Variants in NRXN3 observed in about 807,000 individuals in gnomAD.
NRXN3 encodes the protein neurexin III.
A neutral mutation model predicts 137.6 loss-of-function variants in NRXN3; 32 were observed. The ratio of observed to expected loss-of-function variants is 0.23; its 90% confidence interval spans 0.18 to 0.31. The LOEUF is 0.31. NRXN3 is among the 10% of genes least tolerant of loss of function. NRXN3 has a pLI of 1.00. For missense variants in NRXN3, 1,574 were observed against 2,062.5 expected, an observed-to-expected ratio of 0.76 and a Z score of 4.59; for synonymous variants, 798 against 784.5, an observed-to-expected ratio of 1.02 and a Z score of -0.29.
intron 15 of NRXN3, among the ~76,000 whole-genome samples, chr14:79,020,742 G>A (rs1354422665): frequency 1.3e-5 from 2 of 152,004 alleles, no homozygotes; most frequent in Non-Finnish European, 1.5e-5. Flanking sequence ...AGTAAGTCAT[G>A]TACTCCATTT....
At chr14:79,527,487 C>T (rs17109362) in intron 16 of NRXN3, among the ~76,000 whole-genome samples, 10,122 of 151,776 alleles carry the variant, frequency 0.067, 759 homozygotes, top group African/African-American at 0.18. Context: ...AAAAATATTA[C>T]GCTGTTATGA....
At chr14:78,457,258 C>T (rs781156033) in intron 4 of NRXN3, among the ~76,000 whole-genome samples, 10 of 152,090 alleles carry the variant, frequency 6.6e-5, no homozygotes, top group Non-Finnish European at 1.3e-4. Flanking sequence ...AGGCTGGTCT[C>T]GAACTCCTGG....
chr14:79,599,484 C>T (rs187066574), intron 16 of NRXN3, among the ~76,000 whole-genome samples: 77 of 151,840 alleles, frequency 5.1e-4, no homozygotes, highest in Admixed American at 3.6e-3. Flanking sequence ...AAATGTTACA[C>T]CCCAACCTAA....
At chr14:78,361,726 G>A (rs1323704120) in intron 4 of NRXN3, among the ~76,000 whole-genome samples, 1 of 152,128 alleles carries the variant, frequency 6.6e-6, no homozygotes, top group Non-Finnish European at 1.5e-5. Flanking sequence ...TCATTAAGTG[G>A]CATAGTGTAT....
intron 16 of NRXN3, among the ~76,000 whole-genome samples, chr14:79,619,413 C>A (rs1473215811): frequency 6.6e-6 from 1 of 152,006 alleles, no homozygotes; most frequent in Non-Finnish European, 1.5e-5. Context: ...CAGTTTCAAT[C>A]TTCTGCATAT....
At chr14:79,849,979 C>G (rs2099388385) in intron 20 of NRXN3, among the ~76,000 whole-genome samples, 1 of 152,182 alleles carries the variant, frequency 6.6e-6, no homozygotes, top group Non-Finnish European at 1.5e-5. Context: ...GTACAGGGTT[C>G]TCTACTTTCG....
chr14:79,073,144 C>T (rs1251749460), intron 15 of NRXN3, among the ~76,000 whole-genome samples: 2 of 152,262 alleles, frequency 1.3e-5, no homozygotes, highest in East Asian at 1.9e-4. Context: ...GCCTCCGCCT[C>T]CCAAAGTGCT....
intron 4 of NRXN3, among the ~76,000 whole-genome samples, chr14:78,551,833 C>T (rs1382238874): frequency 6.6e-6 from 1 of 151,866 alleles, no homozygotes; most frequent in Non-Finnish European, 1.5e-5. Context: ...TTCAAGTGGG[C>T]TTATCAAAGT....
intron 15 of NRXN3, among the ~76,000 whole-genome samples, chr14:79,292,492 G>A (rs1158178534): frequency 6.6e-6 from 1 of 152,204 alleles, no homozygotes; most frequent in Non-Finnish European, 1.5e-5. Context: ...CTGAAAGACA[G>A]GGAACTGTGA....
At chr14:79,724,598 A>G (rs1342167316) in intron 19 of NRXN3, among the ~76,000 whole-genome samples, 1 of 152,200 alleles carries the variant, frequency 6.6e-6, no homozygotes, top group Non-Finnish European at 1.5e-5. Flanking sequence ...GAATATATAA[A>G]TCAAGTAAAT....
chr14:79,734,865 A>G (rs2154075158), intron 19 of NRXN3, among the ~76,000 whole-genome samples: 1 of 152,286 alleles, frequency 6.6e-6, no homozygotes, highest in East Asian at 1.9e-4. Flanking sequence ...TCCTTTCTGA[A>G]TAAATGCTTG....
intron 4 of NRXN3, among the ~76,000 whole-genome samples, chr14:78,627,018 T>A (rs1229021264): frequency 2.6e-5 from 4 of 152,166 alleles, no homozygotes; most frequent in African/African-American, 4.8e-5. Context: ...TCTGGGAGAA[T>A]CCAATCTTCT....
intron 2 of NRXN3, among the ~76,000 whole-genome samples, chr14:78,271,489 A>AC (rs5809873): frequency 0.44 from 66,161 of 150,848 alleles, 15,752 homozygotes; most frequent in Middle Eastern, 0.54. Flanking sequence ...AAAAAAAAAA[A>AC]AACAAAAGGG....
At chr14:79,491,700 A>C (rs1296021244) in intron 16 of NRXN3, among the ~76,000 whole-genome samples, 1 of 152,148 alleles carries the variant, frequency 6.6e-6, no homozygotes, top group African/African-American at 2.4e-5. Context: ...AGAGAGAATG[A>C]ATCTATCTCC....
intron 6 of NRXN3, among the ~76,000 whole-genome samples, chr14:78,690,916 G>A (rs1371696771): frequency 6.6e-6 from 1 of 152,174 alleles, no homozygotes; most frequent in Non-Finnish European, 1.5e-5. Context: ...AAGTAAAGAT[G>A]TGTTAGTGAG....
intron 12 of NRXN3, 92 bp downstream of exon 12, chr14:78,966,498 A>G: frequency 7.6e-7 from 1 of 1,318,906 alleles, no homozygotes; most frequent in Non-Finnish European, 1.0e-6. Context: ...TGTCTATTCT[A>G]CTCCCTACCC....
chr14:79,185,656 A>G (rs58624506), intron 15 of NRXN3, among the ~76,000 whole-genome samples: 2,270 of 151,240 alleles, frequency 0.015, 43 homozygotes, highest in African/African-American at 0.046. Flanking sequence ...TAGTAGAGAC[A>G]GGGTTTCACC....
At chr14:79,850,471 T>C (rs1207462089) in intron 20 of NRXN3, among the ~76,000 whole-genome samples, 1 of 152,170 alleles carries the variant, frequency 6.6e-6, no homozygotes, top group Non-Finnish European at 1.5e-5. Context: ...CCCAAAGCAG[T>C]TCAGAAACAT....
At chr14:79,395,116 G>T (rs1395484317) in intron 15 of NRXN3, among the ~76,000 whole-genome samples, 1 of 152,214 alleles carries the variant, frequency 6.6e-6, no homozygotes, top group Non-Finnish European at 1.5e-5. Flanking sequence ...CAACCATCCT[G>T]TGTGGAGCAT....
Sources: allele counts gnomAD v4.1 joint callset (sites outside exome capture counted in the v4.1 genomes callset), GRCh38; gene constraint gnomAD v4.1.1; transcripts MANE v1.5; gene names NCBI Gene and HGNC (gene_info 2026-07-23, HGNC 2026-07-21).